Variants in VAPA observed in about 807,000 individuals in gnomAD.
VAPA encodes VAMP associated protein A.
Under a neutral mutation model 25.6 loss-of-function variants are expected in VAPA, and 6 were observed. That is an observed-to-expected ratio of 0.23 (90% confidence interval 0.13 to 0.46). The LOEUF is 0.46. Ranked by LOEUF, VAPA falls within the 20% of genes least tolerant of loss-of-function variation. The pLI, the probability that VAPA is intolerant of heterozygous loss-of-function variation, is 0.99. For missense variants in VAPA, 244 were observed against 302.1 expected (o/e 0.81, Z 1.43); for synonymous variants, 112 against 106.2 (o/e 1.05, Z -0.34).
Position 9,950,622 on chromosome 18 carries a change from G to A in VAPA, c.591+54G>A, listed in dbSNP as rs1038428628. 100 of 1,568,114 alleles carry A rather than the reference G, an allele frequency of 6.4e-5. 1 individual carries two copies. In the African/African-American group the frequency reaches 1.2e-3, roughly 20 times the overall value. ...ATTGAAATGAAGGTATAGGACATGTGAGTGTTATTAGGCCATTTTAGCAAT... is the reference window on the plus strand; with the variant it reads ...ATTGAAATGAAGGTATAGGACATGTAAGTGTTATTAGGCCATTTTAGCAAT... On this transcript the variant is annotated intron_variant, in intron 5 of 5. Coordinates refer to ENST00000400000, the MANE Select transcript of VAPA (RefSeq NM_194434.3).
rs1339816080 is a variant in VAPA, at chr18:9,936,201, T to C, written c.324T>C (p.Asp108=). Residue 108 remains aspartate (D), a synonymous_variant, in exon 3 of 6, where the codon GAT becomes GAC. Coordinates refer to ENST00000400000, the MANE Select transcript of VAPA (RefSeq NM_194434.3). ...QTIFAPPNTS[D]MEAVWKEAKP... ...TTTTTGCTCCACCAAACACTTCAGATATGGAAGCTGTGGTAAGTATAGAAG... is the reference window on the plus strand; with the variant it reads ...TTTTTGCTCCACCAAACACTTCAGACATGGAAGCTGTGGTAAGTATAGAAG... The C allele has an allele frequency of 3.8e-6, 6 of 1,599,406 alleles. No homozygotes were observed. Among genetic ancestry groups the C allele is most frequent in the Non-Finnish European group, 3.4e-6 (4 of 1,172,366 alleles).
intron 4 of VAPA, among the ~76,000 whole-genome samples, chr18:9,943,825 A>C (rs29137): frequency 7.3e-6 from 1 of 136,068 alleles, no homozygotes; most frequent in Non-Finnish European, 1.6e-5. Flanking sequence ...CTGACATTTG[A>C]AGGTGACATA....
chr18:9,944,449 C>T lies in VAPA; in HGVS notation c.418-5946C>T, dbSNP rs865813699. 2.0e-5 allele frequency among the ~76,000 whole-genome samples: 3 copies of T among 151,932 alleles called. No homozygotes were observed. The South Asian group carries it at 6.2e-4, about 32-fold the overall frequency. ...TATGAGTCTTTAAGTGTTTATTGGC[C>T]TGGGATGTGTGTGAGAGAGTGAGTG... On this transcript the variant is annotated intron_variant, in intron 4 of 5. Transcript: ENST00000400000.
Position 9,914,127 on chromosome 18 carries a change from G to T in VAPA, c.-130G>T. 1.4e-6 allele frequency: 1 copy of T among 704,216 alleles called. No homozygotes were observed. Among genetic ancestry groups the T allele is most frequent in the Non-Finnish European group, 2.2e-6 (1 of 448,832 alleles). 43.6% of individuals were successfully genotyped at this position (704,216 alleles called of 1,614,324 possible). A position where few individuals can be genotyped will look rare whatever the true frequency, so the allele number is the denominator to read the frequency against. On this transcript the variant is annotated 5_prime_UTR_variant, in exon 1 of 6. Transcript: ENST00000400000. ...CACCGAACCGGTGACACAGCGGCAG[G>T]CGTTAGGGCTCGGGAGCCGCGAGCC...
At chr18:9,951,779 C>T (rs560868902) in intron 5 of VAPA, among the ~76,000 whole-genome samples, 1 of 152,324 alleles carries the variant, frequency 6.6e-6, no homozygotes, top group African/African-American at 2.4e-5. Flanking sequence ...AGGAACTACA[C>T]TCTAAATTAA....
rs565104646 is a variant in VAPA, at chr18:9,933,233, T to C, written c.232+1271T>C. Among the ~76,000 whole-genome samples the C allele has an allele frequency of 6.6e-5, 10 of 152,124 alleles. No individual in the cohort carries two copies. The South Asian group carries it at 1.9e-3, about 28-fold the overall frequency. On this transcript the variant is annotated intron_variant, in intron 2 of 5. Coordinates refer to ENST00000400000, the MANE Select transcript of VAPA (RefSeq NM_194434.3). ...AGAGAGAGAACCCAGGGTAGGCTCA[T>C]TGAGAGAGTATTTAGAGGTGGAGCC...
chr18:9,952,530 T>C (rs9973082), intron 5 of VAPA, among the ~76,000 whole-genome samples: 63,614 of 148,520 alleles, frequency 0.43, 14,208 homozygotes, highest in Middle Eastern at 0.54. Context: ...CACGCCATTG[T>C]ACTCCAGCCT....
intron 4 of VAPA, among the ~76,000 whole-genome samples, chr18:9,945,253 T>C (rs1293449936): frequency 1.3e-5 from 2 of 152,094 alleles, no homozygotes; most frequent in South Asian, 4.2e-4. Context: ...AAAAAACTTC[T>C]GAACTTAACT....
rs866517170 is a variant in VAPA at position 9,927,643 on chromosome 18, T to C, written c.80-4167T>C. Among the ~76,000 whole-genome samples, 28 of 152,238 alleles carry C rather than the reference T, an allele frequency of 1.8e-4. No individual in the cohort carries two copies. The Middle Eastern group carries it at 0.01, about 55-fold the overall frequency. Reference sequence around the variant, plus strand: ...GGTATTTCCTGCTGGAAAAATGTTTTTAGGCAAAGGAGGCAGGCCAGTCTC... The same window carrying C: ...GGTATTTCCTGCTGGAAAAATGTTTCTAGGCAAAGGAGGCAGGCCAGTCTC... On this transcript the variant is annotated intron_variant, in intron 1 of 5. Coordinates refer to ENST00000400000, the MANE Select transcript of VAPA (RefSeq NM_194434.3).
chr18:9,917,811 G>A (rs1047652471), intron 1 of VAPA, among the ~76,000 whole-genome samples: 1 of 152,042 alleles, frequency 6.6e-6, no homozygotes, highest in African/African-American at 2.4e-5. Flanking sequence ...ACGGGGCGGG[G>A]GGGAAATTAG....
chr18:9,941,605 A>T (rs1222368407), intron 4 of VAPA, among the ~76,000 whole-genome samples: 1 of 148,174 alleles, frequency 6.7e-6, no homozygotes, highest in Non-Finnish European at 1.5e-5. Flanking sequence ...AAAACTGGTT[A>T]AAAAAAAAGT....
intron 4 of VAPA, among the ~76,000 whole-genome samples, chr18:9,939,603 C>A (rs1567898198): frequency 6.7e-6 from 1 of 148,774 alleles, no homozygotes; most frequent in Non-Finnish European, 1.5e-5. Flanking sequence ...ATTGATTTTG[C>A]TGATTCCATC....
intron 4 of VAPA, among the ~76,000 whole-genome samples, chr18:9,944,414 T>G (rs1290007159): frequency 6.6e-6 from 1 of 152,200 alleles, no homozygotes; most frequent in Non-Finnish European, 1.5e-5. Flanking sequence ...AACTATGGAC[T>G]TAATGGTTAT....
chr18:9,931,982 A>G lies in VAPA; in HGVS notation c.232+20A>G, dbSNP rs2069260050. On this transcript the variant is annotated intron_variant, in intron 2 of 5. Transcript: ENST00000400000. The stretch of plus-strand genomic sequence containing the variant: ...TTTCAGGTAGCAAATCATGTTCTGA[A>G]TTTATGTACATTTGAATTTTGACCT... 1 of 1,514,986 alleles carries G rather than the reference A, an allele frequency of 6.6e-7. No homozygotes were observed. Among genetic ancestry groups the G allele is most frequent in the Admixed American group, 2.1e-5 (1 of 48,396 alleles). 93.8% of individuals were successfully genotyped at this position (1,514,986 alleles called of 1,614,324 possible).
At chr18:9,935,783 A>G (rs1342782195) in intron 2 of VAPA, among the ~76,000 whole-genome samples, 1 of 152,232 alleles carries the variant, frequency 6.6e-6, no homozygotes, top group South Asian at 2.1e-4. Flanking sequence ...GAGTTTAGAA[A>G]GGGCAAAATC....
Position 9,954,330 on chromosome 18 carries a change from C to T in VAPA, c.*119C>T, listed in dbSNP as rs1383816508. 2.7e-5 allele frequency: 23 copies of T among 848,148 alleles called. No homozygotes were observed. The highest frequency in any genetic ancestry group is 3.7e-5 in the Non-Finnish European group (20 of 541,448). The allele number at this position is 848,148 out of a possible 1,614,324, so 52.5% of individuals were successfully genotyped here. A position where few individuals can be genotyped will look rare whatever the true frequency, so the allele number is the denominator to read the frequency against. On this transcript the variant is annotated 3_prime_UTR_variant, in exon 6 of 6. Coordinates refer to ENST00000400000, the MANE Select transcript of VAPA (RefSeq NM_194434.3). ...GGTGACCATTTTTTTGTGTGTACAG[C>T]GTCATATAGGCTTTGCCTTTAATGA...
In VAPA at chr18:9,936,978, A is replaced by G. The variant is rs373809541; in HGVS notation, c.337-8A>G. ...CTATGTCTCATGTTTGGTTTTGTTT[A>G]TTTTTAGTGGAAAGAGGCAAAACCT... is the stretch of plus-strand genomic sequence containing the variant. On this transcript the variant is annotated splice_region_variant and splice_polypyrimidine_tract_variant and intron_variant, in intron 3 of 5. Transcript: ENST00000400000. The G allele has an allele frequency of 3.1e-6, 5 of 1,612,934 alleles. No homozygotes were observed. In the African/African-American group the frequency reaches 4.0e-5, roughly 13 times the overall value.
intron 2 of VAPA, among the ~76,000 whole-genome samples, chr18:9,933,963 C>T (rs996838333): frequency 6.6e-6 from 1 of 152,220 alleles, no homozygotes; most frequent in African/African-American, 2.4e-5. Flanking sequence ...TTGCTGGTTT[C>T]TGTGTATTAA....
In VAPA at chr18:9,930,014, T is replaced by C. The variant is rs190414764; in HGVS notation, c.80-1796T>C. 1.7e-3 allele frequency among the ~76,000 whole-genome samples: 255 copies of C among 152,276 alleles called. 3 individuals carry two copies. The highest frequency in any genetic ancestry group is 9.1e-3 in the East Asian group (47 of 5,188). ...GCAGTATCGTGAAATGTAAATACTA[T>C]TTCAGAATTCGTACAACTCTTGTAG... is the stretch of plus-strand genomic sequence containing the variant. On this transcript the variant is annotated intron_variant, in intron 1 of 5. Coordinates refer to ENST00000400000, the MANE Select transcript of VAPA (RefSeq NM_194434.3).
Sources: gnomAD v4.1 joint callset for allele counts (sites outside exome capture counted in the v4.1 genomes callset) on GRCh38, gnomAD v4.1.1 for gene constraint, MANE v1.5 for transcripts, NCBI Gene and HGNC (gene_info 2026-07-23, HGNC 2026-07-21) for gene names.